COX7A2L: variants seen among roughly 807,000 people sequenced by gnomAD.
COX7A2L encodes the protein cytochrome c oxidase subunit 7A2-like, mitochondrial.
In COX7A2L, 18 loss-of-function variants were observed where a neutral mutation model predicts 14.2. The ratio of observed to expected loss-of-function variants is 1.27; its 90% CI spans 0.88 to 1.88. The LOEUF is 1.88. COX7A2L is among the 40% of genes most tolerant of loss of function. The pLI is 0.00. For missense variants in COX7A2L, 179 were observed against 138.8 expected, an observed-to-expected ratio of 1.29 and a Z score of -1.46; for synonymous variants, 65 against 57.4, an observed-to-expected ratio of 1.13 and a Z score of -0.60.
At chr2:42,360,035 T>C (rs1053175311) in intron 1 of COX7A2L, 1 of 152,212 alleles carries the variant, frequency 6.6e-6, no homozygotes. Flanking sequence ...CTGAAATCTT[T>C]CTTAAACATC....
intron 2 of COX7A2L, 31 bp downstream of exon 2, chr2:42,353,181 G>A: frequency 6.2e-7 from 1 of 1,601,754 alleles, no homozygotes; most frequent in East Asian, 2.2e-5. Context: ...TTATTTCACA[G>A]GCTTTTCTGT....
At chr2:42,355,873 A>T (rs10179225) in intron 1 of COX7A2L, among the ~76,000 whole-genome samples, 1 of 151,314 alleles carries the variant, frequency 6.6e-6, no homozygotes, top group African/African-American at 2.4e-5. Context: ...CTACAGGTGC[A>T]CGCCACCACG....
At position 42,349,458 on chromosome 2, in the gene COX7A2L, G is replaced by A. The variant is rs1670572250; in HGVS notation, c.*1761C>T. ...CTAGGAGGTGGGAGTTGGGATGGTGGGAGGGAAGGCAAGTGATTGCTAATG... is the reference window on the plus strand; with the variant it reads ...CTAGGAGGTGGGAGTTGGGATGGTGAGAGGGAAGGCAAGTGATTGCTAATG... On this transcript the variant is annotated 3_prime_UTR_variant, in exon 3 of 3. Coordinates refer to ENST00000234301, the MANE Select transcript of COX7A2L (RefSeq NM_004718.4). 6.6e-6 allele frequency: 1 copy of A among 152,172 alleles called. No individual in the cohort carries two copies. Among genetic ancestry groups the A allele is most frequent in the Non-Finnish European group, 1.5e-5 (1 of 68,026 alleles). The allele number at this position is 152,172 out of a possible 1,614,324, so 9.4% of individuals were successfully genotyped here. A position where few individuals can be genotyped will look rare whatever the true frequency, so the allele number is the denominator to read the frequency against.
At chr2:42,348,855 T>C (rs748913048), downstream of COX7A2L, among the ~76,000 whole-genome samples, 6 of 152,038 alleles carry the variant, frequency 3.9e-5, no homozygotes, top group Admixed American at 1.3e-4. Flanking sequence ...GAGGCGGAGA[T>C]TGCAGTGAGC....
At chr2:42,366,208 T>C (rs1489835766), upstream of COX7A2L, among the ~76,000 whole-genome samples, 1 of 152,268 alleles carries the variant, frequency 6.6e-6, no homozygotes, top group East Asian at 1.9e-4. Flanking sequence ...GACCAGCGGA[T>C]CACTTGAGTC....
In COX7A2L at chr2:42,338,244, A is replaced by C. The variant is rs993197481; in HGVS notation, c.193-4375T>G. ...CCGCTCCTCGTCTTGCTTCCGGTTG[A>C]TGTGTCGTTGGTACTCCTCCTCGGA... On this transcript the variant is annotated intron_variant, in intron 2 of 2. Coordinates refer to the COX7A2L transcript ENST00000468711. The surrounding 1 kb of genome is among the most constrained non-coding windows in gnomAD (Gnocchi z 4.4). 3.9e-5 allele frequency among the ~76,000 whole-genome samples: 6 copies of C among 152,104 alleles called. No homozygotes were observed. The highest frequency in any genetic ancestry group is 5.9e-5 in the Non-Finnish European group (4 of 67,992).
upstream of COX7A2L, chr2:42,361,438 C>T: frequency 2.7e-6 from 1 of 369,944 alleles, no homozygotes; most frequent in Non-Finnish European, 5.0e-6. Context: ...CCTCTTTCCC[C>T]CATTCAGATT....
Position 42,339,582 on chromosome 2 carries a change from T to A in COX7A2L, c.193-5713A>T, listed in dbSNP as rs1670359492. On this transcript the variant is annotated intron_variant, in intron 2 of 2. Coordinates refer to the COX7A2L transcript ENST00000468711. The surrounding 1 kb of genome is among the most constrained non-coding windows in gnomAD (Gnocchi z 5.4). The stretch of plus-strand genomic sequence containing the variant: ...TTTCTTCCCTTCTGCCCTTCCTCCC[T>A]CCCTTTATCCCTCCCTCCTGCCTTG... Among the ~76,000 whole-genome samples the A allele has an allele frequency of 1.3e-5, 2 of 152,124 alleles. No homozygotes were observed. The highest frequency in any genetic ancestry group is 4.1e-4 in the South Asian group (2 of 4,830).
At chr2:42,366,072 A>G (rs1382926466), upstream of COX7A2L, among the ~76,000 whole-genome samples, 2 of 152,166 alleles carry the variant, frequency 1.3e-5, no homozygotes, top group Non-Finnish European at 2.9e-5. Context: ...TCAATGGATC[A>G]TTTTCTTTTG....
intron 2 of COX7A2L, among the ~76,000 whole-genome samples, chr2:42,343,703 A>C (rs1670443498): frequency 6.6e-6 from 1 of 152,242 alleles, no homozygotes; most frequent in South Asian, 2.1e-4. Flanking sequence ...TAGCTATTGA[A>C]GATGAATGGG....
intron 2 of COX7A2L, among the ~76,000 whole-genome samples, chr2:42,335,620 T>G (rs1670253578): frequency 6.6e-6 from 1 of 152,252 alleles, no homozygotes; most frequent in Admixed American, 6.5e-5. Flanking sequence ...TTATCTCCAT[T>G]TCACAGATGA....
At chr2:42,336,517 TC>T (rs1220495155) in intron 2 of COX7A2L, among the ~76,000 whole-genome samples, 1 of 152,112 alleles carries the variant, frequency 6.6e-6, no homozygotes, top group African/African-American at 2.4e-5. Context: ...AGCCTGGTCA[TC>T]CCATCTCATG....
rs772301906 is a variant in COX7A2L, at chr2:42,338,597, C to T, written c.193-4728G>A. On this transcript the variant is annotated intron_variant, in intron 2 of 2. Transcript: ENST00000468711. The surrounding 1 kb of genome is among the most constrained non-coding windows in gnomAD (Gnocchi z 4.4). ...ATTAATTATGAACCAAGAATCCCCC[C>T]GATAGGACTCAGCCCCCACCAAGAC... Among the ~76,000 whole-genome samples, 3 of 152,156 alleles carry T rather than the reference C, an allele frequency of 2.0e-5. No homozygotes were observed. Among genetic ancestry groups the T allele is most frequent in the African/African-American group, 4.8e-5 (2 of 41,422 alleles).
intron 1 of COX7A2L, among the ~76,000 whole-genome samples, chr2:42,355,741 T>TTG: frequency 6.9e-6 from 1 of 145,776 alleles, no homozygotes; most frequent in African/African-American, 2.6e-5. Context: ...TTTTTTTTTT[T>TTG]TTGAGACGGA....
At chr2:42,354,918 T>C (rs1243016867) in intron 1 of COX7A2L, among the ~76,000 whole-genome samples, 3 of 152,260 alleles carry the variant, frequency 2.0e-5, no homozygotes, top group Non-Finnish European at 4.4e-5. Flanking sequence ...ATTACTTCAC[T>C]TAATTCTGAC....
At chr2:42,358,827 G>T (rs1242103618) in intron 1 of COX7A2L, among the ~76,000 whole-genome samples, 1 of 152,066 alleles carries the variant, frequency 6.6e-6, no homozygotes, top group Non-Finnish European at 1.5e-5. Flanking sequence ...AGATTATGCT[G>T]AAGATATATT....
chr2:42,337,084 T>C (rs1670293169), intron 2 of COX7A2L, among the ~76,000 whole-genome samples: 1 of 152,180 alleles, frequency 6.6e-6, no homozygotes, highest in Non-Finnish European at 1.5e-5. Context: ...GTATAATGGA[T>C]GTACAAAGTA....
rs201828568 is a variant in COX7A2L, at chr2:42,356,742, G to A, written c.73-3399C>T. Among the ~76,000 whole-genome samples the A allele has an allele frequency of 7.9e-5, 12 of 152,260 alleles. No individual in the cohort carries two copies. The East Asian group carries it at 1.7e-3, about 22-fold the overall frequency. ...GGAGTTTGAGATCATCCTGGGCAACGTAGTGAGACCTTGTTTCTACAAAAT... is the reference window on the plus strand; with the variant it reads ...GGAGTTTGAGATCATCCTGGGCAACATAGTGAGACCTTGTTTCTACAAAAT... On this transcript the variant is annotated intron_variant, in intron 1 of 2. Coordinates refer to ENST00000234301, the MANE Select transcript of COX7A2L (RefSeq NM_004718.4).
At chr2:42,352,316 C>T (rs1225886774) in intron 2 of COX7A2L, among the ~76,000 whole-genome samples, 2 of 152,040 alleles carry the variant, frequency 1.3e-5, no homozygotes, top group Non-Finnish European at 1.5e-5. Context: ...GTTACAGACG[C>T]GTGCCTATAC....
Sources: allele counts gnomAD v4.1 joint callset (sites outside exome capture counted in the v4.1 genomes callset), GRCh38; gene constraint gnomAD v4.1.1; non-coding constraint Gnocchi (gnomAD v3.1); transcripts MANE v1.5; gene names NCBI Gene and HGNC (gene_info 2026-07-23, HGNC 2026-07-21).